Variants in ZC3H12C observed in about 807,000 individuals in gnomAD.
The protein encoded by ZC3H12C is zinc finger CCCH-type containing 12C, also known as probable ribonuclease ZC3H12C.
A neutral mutation model predicts 76.3 loss-of-function variants in ZC3H12C; 20 were observed. The observed-to-expected ratio is 0.26, with a 90% CI of 0.18 to 0.38. ZC3H12C has a LOEUF of 0.38. Among genes scored for constraint, ZC3H12C ranks in the 10% least tolerant of loss-of-function variants. The pLI is 1.00. For missense variants in ZC3H12C, 874 were observed against 1,086.5 expected (o/e 0.80, Z 2.75); for synonymous variants, 352 against 399.6 (o/e 0.88, Z 1.42).
chr11:110,142,274 T>A (rs1427862150), intron 2 of ZC3H12C, among the ~76,000 whole-genome samples: 1 of 152,204 alleles, frequency 6.6e-6, no homozygotes, highest in African/African-American at 2.4e-5. Context: ...AATAGACCAG[T>A]CAGCAAACTT....
At position 110,136,910 on chromosome 11, in the gene ZC3H12C, C is replaced by G; in HGVS notation, c.269C>G (p.Ser90Cys). The G allele has an allele frequency of 6.2e-7, 1 of 1,613,760 alleles. No homozygotes were observed. Among genetic ancestry groups the G allele is most frequent in the Non-Finnish European group, 8.5e-7 (1 of 1,179,812 alleles). The stretch of plus-strand genomic sequence containing the variant: ...GAAGAGAATGCAAGCTCTGGTGACT[C>G]TGAAGAAAACACAAATTCTGATCAT... ...ASEENASSGD[S>C]EENTNSDHES... The change falls in exon 2 of 6, where the codon TCT (serine) becomes TGT (cysteine). Residue 90 changes from serine to cysteine, a missense_variant. By Grantham distance (112) the Ser-to-Cys change is moderately radical (BLOSUM62 -1). This residue lies in a region of ZC3H12C where 210 missense variants were observed against 227.1 expected (regional missense o/e 0.92). Transcript: ENST00000278590.
chr11:110,124,073 C>T (rs1258473530), intron 1 of ZC3H12C: 1 of 152,178 alleles, frequency 6.6e-6, no homozygotes, highest in East Asian at 1.9e-4. Flanking sequence ...CAAAGTGATC[C>T]TCAAGTGGGG....
In ZC3H12C at chr11:110,170,407, C is replaced by G. The variant is rs763124199; in HGVS notation, c.*4670C>G. The G allele has an allele frequency of 3.3e-5, 5 of 152,036 alleles. No homozygotes were observed. Among genetic ancestry groups the G allele is most frequent in the African/African-American group, 4.8e-5 (2 of 41,404 alleles). 9.4% of individuals were successfully genotyped at this position (152,036 alleles called of 1,614,324 possible). On this transcript the variant is annotated 3_prime_UTR_variant, in exon 6 of 6. Coordinates refer to ENST00000278590, the MANE Select transcript of ZC3H12C (RefSeq NM_033390.2). ...TACATTTTTCCATTGGTTTTGGCTT[C>G]TAATAAATAACATATCTGCCATTCT...
At chr11:110,136,201 A>G (rs986167257) in intron 1 of ZC3H12C, 4 of 152,828 alleles carry the variant, frequency 2.6e-5, no homozygotes, top group Admixed American at 6.5e-5. Context: ...TTCTTTTTAA[A>G]AGAATATTTA....
chr11:110,107,899 G>C (rs1591459275), intron 1 of ZC3H12C, among the ~76,000 whole-genome samples: 2 of 152,128 alleles, frequency 1.3e-5, no homozygotes, highest in East Asian at 3.9e-4. Context: ...CTGAGCTAAA[G>C]CAATCTGCCT....
intron 1 of ZC3H12C, among the ~76,000 whole-genome samples, chr11:110,113,849 T>C (rs542408732): frequency 6.6e-6 from 1 of 152,346 alleles, no homozygotes; most frequent in South Asian, 2.1e-4. Flanking sequence ...AGTCAGCTTT[T>C]ACTTAGACTA....
intron 2 of ZC3H12C, among the ~76,000 whole-genome samples, chr11:110,145,951 AC>A (rs1862159304): frequency 6.6e-6 from 1 of 152,166 alleles, no homozygotes; most frequent in Admixed American, 6.5e-5. Flanking sequence ...AAGGTAGAAG[AC>A]GGTTGAGAGA....
chr11:110,101,203 G>T (rs959633513), intron 1 of ZC3H12C, among the ~76,000 whole-genome samples: 2 of 152,146 alleles, frequency 1.3e-5, no homozygotes, highest in African/African-American at 4.8e-5. Context: ...GCTAAGAGAG[G>T]TGAGGAAGCT....
In ZC3H12C at chr11:110,130,949, T is replaced by A. The variant is rs1456928580; in HGVS notation, c.22-5714T>A. 19 of 1,361,210 alleles carry A rather than the reference T, an allele frequency of 1.4e-5. No individual in the cohort carries two copies. The Admixed American group carries it at 3.7e-4, about 27-fold the overall frequency. The allele number at this position is 1,361,210 out of a possible 1,614,324, so 84.3% of individuals were successfully genotyped here. A position where few individuals can be genotyped will look rare whatever the true frequency, so the allele number is the denominator to read the frequency against. ...TTTCTGGCCTATGATTGGCTGTTAT[T>A]CCACTCGGTAATAGGTTAAGCAAAG... On this transcript the variant is annotated intron_variant, in intron 1 of 5. Transcript: ENST00000278590.
chr11:110,160,403 A>C (rs1862458485), intron 4 of ZC3H12C, among the ~76,000 whole-genome samples: 1 of 80,970 alleles, frequency 1.2e-5, no homozygotes, highest in Non-Finnish European at 3.1e-5. Flanking sequence ...CTTAGTTTTT[A>C]AAACTTTTTT....
chr11:110,140,282 T>C (rs1862046113), intron 2 of ZC3H12C, among the ~76,000 whole-genome samples: 1 of 152,076 alleles, frequency 6.6e-6, no homozygotes, highest in Admixed American at 6.6e-5. Flanking sequence ...AGAGACCCCA[T>C]CTCAAAAATA....
chr11:110,093,604 C>T (rs933104381), intron 1 of ZC3H12C, among the ~76,000 whole-genome samples, 172 bp downstream of exon 1: 3 of 151,686 alleles, frequency 2.0e-5, no homozygotes, highest in African/African-American at 7.3e-5. Flanking sequence ...CTCCGGAGGT[C>T]GAGTCACCGA....
At chr11:110,101,801 G>T (rs924544050) in intron 1 of ZC3H12C, among the ~76,000 whole-genome samples, 3 of 151,800 alleles carry the variant, frequency 2.0e-5, no homozygotes, top group Non-Finnish European at 4.4e-5. Context: ...ACCCACTTTG[G>T]CCTCCCAAAG....
chr11:110,094,684 A>G (rs1861082077), intron 1 of ZC3H12C, among the ~76,000 whole-genome samples: 1 of 152,218 alleles, frequency 6.6e-6, no homozygotes, highest in Admixed American at 6.5e-5. Flanking sequence ...AGCTTCATCA[A>G]ACATTGGTAA....
At chr11:110,159,730 A>G (rs1427406098) in intron 4 of ZC3H12C, among the ~76,000 whole-genome samples, 2 of 152,220 alleles carry the variant, frequency 1.3e-5, no homozygotes, top group Non-Finnish European at 2.9e-5. Context: ...CACCTAAGGT[A>G]GAGGAAGTCT....
At chr11:110,157,805 T>C (rs1302096597) in intron 3 of ZC3H12C, among the ~76,000 whole-genome samples, 1 of 152,202 alleles carries the variant, frequency 6.6e-6, no homozygotes, top group Non-Finnish European at 1.5e-5. Flanking sequence ...ACACTTCTGC[T>C]GTGGCAGTTA....
At chr11:110,117,469 ATAAAGT>A (rs771725774) in intron 1 of ZC3H12C, among the ~76,000 whole-genome samples, 111 of 151,948 alleles carry the variant, frequency 7.3e-4, no homozygotes, top group Non-Finnish European at 1.3e-3. Flanking sequence ...ATAGATGTAT[ATAAAGT>A]TATAATTACA....
intron 1 of ZC3H12C, among the ~76,000 whole-genome samples, chr11:110,114,733 G>C (rs1330650933): frequency 6.6e-6 from 1 of 152,038 alleles, no homozygotes; most frequent in African/African-American, 2.4e-5. Flanking sequence ...CAAGAACTAA[G>C]GTATTTTATA....
At chr11:110,121,553 T>C (rs1176802761) in intron 1 of ZC3H12C, among the ~76,000 whole-genome samples, 1 of 152,170 alleles carries the variant, frequency 6.6e-6, no homozygotes, top group African/African-American at 2.4e-5. Flanking sequence ...AGTTTTGTTA[T>C]AAACTTTTGT....
Sources: allele counts gnomAD v4.1 joint callset (sites outside exome capture counted in the v4.1 genomes callset), GRCh38; gene constraint gnomAD v4.1.1; regional missense constraint gnomAD v4.1.1; transcripts MANE v1.5; gene names NCBI Gene and HGNC (gene_info 2026-07-23, HGNC 2026-07-21).